ATRNL1: variants seen among roughly 807,000 people sequenced by gnomAD.
ATRNL1 encodes attractin like 1.
ATRNL1 carries 95 observed loss-of-function variants against 182.7 expected under a neutral mutation model. The ratio of observed to expected loss-of-function variants is 0.52; its 90% confidence interval spans 0.44 to 0.62. ATRNL1 has a LOEUF of 0.62. Ranked by LOEUF, ATRNL1 falls within the 20% of genes least tolerant of loss-of-function variation. The probability of loss-of-function intolerance (pLI) is 0.00; values close to 1 mark genes in which losing one functional copy is unlikely to be tolerated. For missense variants in ATRNL1, 1,471 were observed against 1,679.5 expected (o/e 0.88, Z 2.17); for synonymous variants, 576 against 568.3 (o/e 1.01, Z -0.19).
intron 12 of ATRNL1, 21 bp downstream of exon 12, chr10:115,267,026 G>C: frequency 6.5e-7 from 1 of 1,546,072 alleles, no homozygotes; most frequent in Non-Finnish European, 8.9e-7. Context: ...TTTTCTTTTC[G>C]TCTTTGTGGC....
At chr10:115,756,754 C>T (rs1403691813) in intron 27 of ATRNL1, among the ~76,000 whole-genome samples, 2 of 152,130 alleles carry the variant, frequency 1.3e-5, no homozygotes, top group Non-Finnish European at 2.9e-5. Context: ...CTAATGTTGA[C>T]AGTGGGGTGT....
chr10:115,825,487 G>A (rs1950409352), intron 27 of ATRNL1, among the ~76,000 whole-genome samples: 1 of 152,074 alleles, frequency 6.6e-6, no homozygotes, highest in Non-Finnish European at 1.5e-5. Flanking sequence ...TATTAACTTG[G>A]TACACTCATG....
At chr10:115,471,515 T>A (rs1268225439) in intron 24 of ATRNL1, among the ~76,000 whole-genome samples, 8 of 151,154 alleles carry the variant, frequency 5.3e-5, no homozygotes, top group African/African-American at 1.9e-4. Context: ...TGTTATCTTT[T>A]GTATTTTTGA....
intron 12 of ATRNL1, among the ~76,000 whole-genome samples, chr10:115,267,241 A>G (rs1851645514): frequency 6.6e-6 from 1 of 150,602 alleles, no homozygotes; most frequent in Non-Finnish European, 1.5e-5. Context: ...TATTTTATAT[A>G]TAACATTGTC....
Position 115,474,895 on chromosome 10 carries a change from G to A in ATRNL1, c.3654+5566G>A, listed in dbSNP as rs538994450. Among the ~76,000 whole-genome samples, 6 of 151,506 alleles carry A rather than the reference G, an allele frequency of 4.0e-5. No homozygotes were observed. The South Asian group carries it at 1.2e-3, about 31-fold the overall frequency. ...AGGCATTGACATCACCCAGGAGCGT[G>A]TCAGAAATGTAGAATTTTAGCCCTG... is the stretch of plus-strand genomic sequence containing the variant. On this transcript the variant is annotated intron_variant, in intron 24 of 28. Transcript: ENST00000355044.
At chr10:115,678,604 T>C (rs1231992111) in intron 26 of ATRNL1, among the ~76,000 whole-genome samples, 1 of 152,092 alleles carries the variant, frequency 6.6e-6, no homozygotes, top group Non-Finnish European at 1.5e-5. Flanking sequence ...CTTATGCAAA[T>C]AGCATGATAA....
At chr10:115,704,148 A>G (rs1030928267) in intron 26 of ATRNL1, among the ~76,000 whole-genome samples, 5 of 152,016 alleles carry the variant, frequency 3.3e-5, no homozygotes, top group African/African-American at 7.2e-5. Context: ...TCTGGAGGCT[A>G]TAAGTCTAAG....
At chr10:115,647,558 G>A (rs1400662562) in intron 26 of ATRNL1, among the ~76,000 whole-genome samples, 1 of 152,166 alleles carries the variant, frequency 6.6e-6, no homozygotes, top group East Asian at 1.9e-4. Context: ...CAGCGATGAT[G>A]AGCATTTTTT....
intron 10 of ATRNL1, among the ~76,000 whole-genome samples, chr10:115,253,039 T>G (rs1177870452): frequency 6.6e-6 from 1 of 152,194 alleles, no homozygotes; most frequent in Non-Finnish European, 1.5e-5. Flanking sequence ...AACTCCAACT[T>G]ATTTCTTACT....
intron 20 of ATRNL1, among the ~76,000 whole-genome samples, chr10:115,414,923 C>A (rs1364670348): frequency 6.6e-6 from 1 of 151,686 alleles, no homozygotes; most frequent in Admixed American, 6.6e-5. Context: ...TGCATATGTA[C>A]CATAGGTTAA....
chr10:115,180,861 T>C (rs1847721805), intron 8 of ATRNL1, among the ~76,000 whole-genome samples: 1 of 151,936 alleles, frequency 6.6e-6, no homozygotes, highest in Non-Finnish European at 1.5e-5. Flanking sequence ...TTTGCAGATG[T>C]TTTTTGGTAA....
chr10:115,721,316 G>A (rs555353205), intron 26 of ATRNL1, among the ~76,000 whole-genome samples: 5 of 152,086 alleles, frequency 3.3e-5, no homozygotes, highest in East Asian at 1.9e-4. Context: ...ACTTTGATAC[G>A]CATAGTCATG....
intron 27 of ATRNL1, among the ~76,000 whole-genome samples, chr10:115,755,255 A>C (rs1375137487): frequency 2.0e-5 from 3 of 152,146 alleles, no homozygotes; most frequent in Admixed American, 6.6e-5. Flanking sequence ...GCTGGTTTTC[A>C]AAGGTAATGC....
At chr10:115,641,259 T>C (rs543949333) in intron 26 of ATRNL1, among the ~76,000 whole-genome samples, 2 of 152,344 alleles carry the variant, frequency 1.3e-5, no homozygotes, top group South Asian at 4.1e-4. Context: ...ATGGAATAAT[T>C]ATAGCTTCCT....
intron 26 of ATRNL1, among the ~76,000 whole-genome samples, chr10:115,719,390 G>A (rs1947351132): frequency 6.6e-6 from 1 of 152,122 alleles, no homozygotes; most frequent in South Asian, 2.1e-4. Flanking sequence ...TCAAAGTTTT[G>A]CATGGAATAT....
intron 26 of ATRNL1, among the ~76,000 whole-genome samples, chr10:115,696,869 G>C (rs1946576404): frequency 7.1e-6 from 1 of 140,148 alleles, no homozygotes; most frequent in Non-Finnish European, 1.5e-5. Context: ...ACATATCAGA[G>C]CGAGAGAGAG....
intron 20 of ATRNL1, among the ~76,000 whole-genome samples, chr10:115,410,731 A>G (rs1366931989): frequency 1.3e-5 from 2 of 150,446 alleles, no homozygotes; most frequent in Non-Finnish European, 2.9e-5. Context: ...TCTTCATTTA[A>G]AAAGAAATAT....
intron 25 of ATRNL1, among the ~76,000 whole-genome samples, chr10:115,532,086 G>A (rs1851625555): frequency 6.6e-6 from 1 of 151,232 alleles, no homozygotes; most frequent in African/African-American, 2.4e-5. Flanking sequence ...TTGTTCTTTT[G>A]GCTTAGGATT....
chr10:115,493,707 G>T (rs782598968), intron 24 of ATRNL1, among the ~76,000 whole-genome samples: 2 of 152,072 alleles, frequency 1.3e-5, no homozygotes, highest in Admixed American at 6.6e-5. Flanking sequence ...TTCCACACTG[G>T]CCAAACAAAT....
Sources: gnomAD v4.1 joint callset for allele counts (sites outside exome capture counted in the v4.1 genomes callset) on GRCh38, gnomAD v4.1.1 for gene constraint, MANE v1.5 for transcripts, NCBI Gene and HGNC (gene_info 2026-07-23, HGNC 2026-07-21) for gene names.